ECHDC1: variants seen among roughly 807,000 people sequenced by gnomAD.
ECHDC1 encodes ethylmalonyl-CoA decarboxylase.
Under a neutral mutation model 29.7 loss-of-function variants are expected in ECHDC1, and 29 were observed. That is an observed-to-expected ratio of 0.98 (90% CI 0.73 to 1.33). The LOEUF is 1.33. Among genes scored for constraint, ECHDC1 ranks in the 40% most tolerant of loss-of-function variants. The probability of loss-of-function intolerance (pLI) is 0.00; values close to 1 mark genes in which losing one functional copy is unlikely to be tolerated. For missense variants in ECHDC1, 328 were observed against 350.0 expected (o/e 0.94, Z 0.50); for synonymous variants, 126 against 123.1 (o/e 1.02, Z -0.15).
intron 5 of ECHDC1, among the ~76,000 whole-genome samples, chr6:127,303,817 G>A (rs1289353847): frequency 6.6e-6 from 1 of 152,186 alleles, no homozygotes; most frequent in Non-Finnish European, 1.5e-5. Context: ...CTCCACCTTT[G>A]GAAAGGGGAG....
At chr6:127,305,993 G>A in intron 5 of ECHDC1, among the ~76,000 whole-genome samples, 1 of 138,638 alleles carries the variant, frequency 7.2e-6, no homozygotes, top group East Asian at 2.1e-4. Context: ...CCAATCAAAA[G>A]ACACAGACTG....
At position 127,325,841 on chromosome 6, in the gene ECHDC1, C is replaced by T. The variant is rs536901247; in HGVS notation, c.363+1161G>A. 1.2e-4 allele frequency among the ~76,000 whole-genome samples: 18 copies of T among 152,192 alleles called. No individual in the cohort carries two copies. In the East Asian group the frequency reaches 3.5e-3, roughly 29 times the overall value. ...TCAGCCTCCCAAGTAGCTGGGACTA[C>T]AGGCATGTGCCAGCACACCCGGCTA... On this transcript the variant is annotated intron_variant, in intron 3 of 5. Coordinates refer to ENST00000454859, the MANE Select transcript of ECHDC1 (RefSeq NM_001002030.2).
At chr6:127,313,335 T>A (rs186232331) in intron 5 of ECHDC1, 1 of 228,418 alleles carries the variant, frequency 4.4e-6, no homozygotes, top group Admixed American at 4.9e-5. Context: ...TCCCAAGTTG[T>A]AGGACTACAG....
chr6:127,315,569 A>G (rs1782293855), intron 4 of ECHDC1: 1 of 221,588 alleles, frequency 4.5e-6, no homozygotes, highest in Non-Finnish European at 9.1e-6. Context: ...TCTGACCTAC[A>G]ATGCAAAGGT....
At chr6:127,329,808 C>T (rs1268429632) in intron 2 of ECHDC1, 14 of 407,750 alleles carry the variant, frequency 3.4e-5, no homozygotes, top group Non-Finnish European at 2.9e-5. Flanking sequence ...TTTAAAATTG[C>T]ACATGTGGCT....
At chr6:127,298,670 G>A (rs1289215662) in intron 5 of ECHDC1, among the ~76,000 whole-genome samples, 4 of 152,024 alleles carry the variant, frequency 2.6e-5, no homozygotes, top group South Asian at 4.1e-4. Context: ...ATTATAATGG[G>A]GCTGAAAAAT....
intron 5 of ECHDC1, among the ~76,000 whole-genome samples, chr6:127,309,780 T>C (rs6910763): frequency 0.73 from 111,131 of 152,136 alleles, 40,765 homozygotes; most frequent in East Asian, 0.78. Flanking sequence ...CCTCCAGAAA[T>C]TTACAATCAT....
intron 3 of ECHDC1, among the ~76,000 whole-genome samples, chr6:127,321,795 G>C (rs956117386): frequency 6.6e-6 from 1 of 152,126 alleles, no homozygotes; most frequent in African/African-American, 2.4e-5. Flanking sequence ...CTGAGGTCAG[G>C]AGTTCGAGAC....
chr6:127,317,828 A>G (rs1447655433), intron 3 of ECHDC1: 1 of 152,102 alleles, frequency 6.6e-6, no homozygotes, highest in African/African-American at 2.4e-5. Context: ...CTGCTGCTGC[A>G]TTAGTTCATA....
At chr6:127,311,316 GA>G (rs1156481478) in intron 5 of ECHDC1, among the ~76,000 whole-genome samples, 7 of 152,212 alleles carry the variant, frequency 4.6e-5, no homozygotes, top group Non-Finnish European at 1.0e-4. Flanking sequence ...AATCTACTTT[GA>G]ACAAGGCAGC....
In ECHDC1 at chr6:127,330,976, A is replaced by G; in HGVS notation, c.53T>C (p.Leu18Pro). ...ATAAAGTGACAATCCTGTTTGATGT[A>G]GCAATTTTGTCCTTCCAGACAGAGA... ...TASLSGRTKL[L>P]HQTGLSLYST... Residue 18 changes from leucine (L) to proline (P), a missense_variant, in exon 2 of 6, where the codon CTA (leucine) becomes CCA (proline). Leu to Pro is a moderately conservative substitution (Grantham distance 98). Transcript: ENST00000454859. 1.2e-6 allele frequency: 2 copies of G among 1,614,020 alleles called. No homozygotes were observed. The highest frequency in any genetic ancestry group is 1.1e-5 in the South Asian group (1 of 91,084).
chr6:127,320,534 G>C (rs1327577672), intron 3 of ECHDC1, among the ~76,000 whole-genome samples: 1 of 152,162 alleles, frequency 6.6e-6, no homozygotes, highest in Non-Finnish European at 1.5e-5. Flanking sequence ...ACTTTTCCTT[G>C]AGGCATTATA....
intron 2 of ECHDC1, among the ~76,000 whole-genome samples, chr6:127,329,616 A>G (rs968617929): frequency 7.2e-5 from 11 of 152,198 alleles, no homozygotes; most frequent in African/African-American, 2.4e-4. Flanking sequence ...AAGATGTGTC[A>G]TAAGTATAAA....
At chr6:127,339,329 G>C (rs965049678) in intron 1 of ECHDC1, among the ~76,000 whole-genome samples, 7 of 150,088 alleles carry the variant, frequency 4.7e-5, no homozygotes, top group African/African-American at 1.5e-4. Flanking sequence ...GACAGGGACT[G>C]CATCTTACAG....
At chr6:127,301,713 C>A (rs975385334) in intron 5 of ECHDC1, among the ~76,000 whole-genome samples, 2 of 152,124 alleles carry the variant, frequency 1.3e-5, no homozygotes, top group African/African-American at 4.8e-5. Context: ...TTTTGGTATG[C>A]GGGTTTTAAA....
chr6:127,327,322 T>C (rs975574808), intron 2 of ECHDC1, among the ~76,000 whole-genome samples, 178 bp from the exon 3 acceptor site: 2 of 152,188 alleles, frequency 1.3e-5, no homozygotes, highest in Non-Finnish European at 2.9e-5. Context: ...GAGGTACACA[T>C]GGCAGGCCCT....
chr6:127,314,740 A>G, intron 5 of ECHDC1, 76 bp downstream of exon 5: 1 of 1,099,532 alleles, frequency 9.1e-7, no homozygotes, highest in Non-Finnish European at 1.3e-6. Context: ...TATATAAAAT[A>G]TTGATATTAA....
chr6:127,331,754 A>G (rs985287300), intron 1 of ECHDC1: 2 of 871,080 alleles, frequency 2.3e-6, no homozygotes, highest in African/African-American at 3.6e-5. Flanking sequence ...TCCCCTTGGA[A>G]ACAGCCTCTA....
At chr6:127,326,512 GT>G (rs1226168400) in intron 3 of ECHDC1, 1 of 455,776 alleles carries the variant, frequency 2.2e-6, no homozygotes, top group Admixed American at 2.4e-5. Context: ...AATATAAGAT[GT>G]TAATAAAAGG....
Sources: gnomAD v4.1 joint callset for allele counts (sites outside exome capture counted in the v4.1 genomes callset) on GRCh38, gnomAD v4.1.1 for gene constraint, MANE v1.5 for transcripts, NCBI Gene and HGNC (gene_info 2026-07-23, HGNC 2026-07-21) for gene names.